Variants in TRAPPC9 observed in about 807,000 individuals in gnomAD.
TRAPPC9 encodes IKK2 binding protein.
A neutral mutation model predicts 124.0 loss-of-function variants in TRAPPC9; 83 were observed. The observed-to-expected ratio is 0.67, with a 90% CI of 0.56 to 0.80. TRAPPC9 has a LOEUF of 0.80. Among genes scored for constraint, TRAPPC9 ranks in the 30% least tolerant of loss-of-function variants. The pLI, the probability that TRAPPC9 is intolerant of heterozygous loss-of-function variation, is 0.00. For synonymous variants in TRAPPC9, 638 were observed against 617.5 expected (o/e 1.03, Z -0.49); for missense variants, 1,302 against 1,508.3 (o/e 0.86, Z 2.27).
chr8:140,105,966 C>G (rs1397033540), intron 17 of TRAPPC9, among the ~76,000 whole-genome samples: 1 of 142,148 alleles, frequency 7.0e-6, no homozygotes, highest in Non-Finnish European at 1.6e-5. Flanking sequence ...CGAGAACGAG[C>G]AATCAAAGGT....
intron 7 of TRAPPC9, among the ~76,000 whole-genome samples, chr8:140,397,142 C>A (rs1298395709): frequency 6.6e-6 from 1 of 152,216 alleles, no homozygotes; most frequent in East Asian, 1.9e-4. Context: ...TATCAATCCA[C>A]AACTAAAGGT....
chr8:139,992,090 A>G (rs564251887), intron 18 of TRAPPC9, among the ~76,000 whole-genome samples: 1 of 152,318 alleles, frequency 6.6e-6, no homozygotes, highest in South Asian at 2.1e-4. Flanking sequence ...TTGTTGAATA[A>G]AAGATTAAGA....
intron 21 of TRAPPC9, among the ~76,000 whole-genome samples, chr8:139,850,273 T>C (rs918977089): frequency 6.6e-6 from 1 of 152,242 alleles, no homozygotes; most frequent in Non-Finnish European, 1.5e-5. Flanking sequence ...TTTATGTGCA[T>C]GACATCAATT....
chr8:139,780,540 C>T (rs1218783107), intron 21 of TRAPPC9, among the ~76,000 whole-genome samples: 1 of 152,026 alleles, frequency 6.6e-6, no homozygotes, highest in Non-Finnish European at 1.5e-5. Context: ...AAATGGATTG[C>T]AGAACTAAAT....
At position 139,831,444 on chromosome 8, in the gene TRAPPC9, T is replaced by G. The variant is rs540280032; in HGVS notation, c.3055+54435A>C. 2.0e-5 allele frequency among the ~76,000 whole-genome samples: 3 copies of G among 152,276 alleles called. No homozygotes were observed. The East Asian group carries it at 5.8e-4, about 29-fold the overall frequency. On this transcript the variant is annotated intron_variant, in intron 21 of 22. Transcript: ENST00000438773. ...CACTCTTCCCACGCACTCACATGCATGCAAGCACGCACACTAACACACACA... is the reference window on the plus strand; with the variant it reads ...CACTCTTCCCACGCACTCACATGCAGGCAAGCACGCACACTAACACACACA...
At chr8:140,218,179 A>G (rs1373866397) in intron 17 of TRAPPC9, among the ~76,000 whole-genome samples, 1 of 152,156 alleles carries the variant, frequency 6.6e-6, no homozygotes, top group African/African-American at 2.4e-5. Flanking sequence ...CTACTCCACC[A>G]GCATTTAGGA....
At chr8:139,805,556 C>T (rs960526520) in intron 21 of TRAPPC9, among the ~76,000 whole-genome samples, 3 of 152,188 alleles carry the variant, frequency 2.0e-5, no homozygotes, top group South Asian at 2.1e-4. Flanking sequence ...GTGCTTGGTG[C>T]GTTCCTCTGG....
At chr8:140,072,250 G>A (rs182222370) in intron 17 of TRAPPC9, among the ~76,000 whole-genome samples, 1 of 152,292 alleles carries the variant, frequency 6.6e-6, no homozygotes, top group Admixed American at 6.5e-5. Context: ...CAAATGAAGA[G>A]GCAGCCGGGC....
At chr8:140,380,654 CAAAA>C (rs563391017) in intron 7 of TRAPPC9, among the ~76,000 whole-genome samples, 4 of 48,604 alleles carry the variant, frequency 8.2e-5, no homozygotes, top group African/African-American at 1.8e-4. Context: ...GACTCTGTCT[CAAAA>C]AAAAAAAAAA....
At chr8:140,079,107 T>C (rs1843669012) in intron 17 of TRAPPC9, among the ~76,000 whole-genome samples, 1 of 152,170 alleles carries the variant, frequency 6.6e-6, no homozygotes, top group South Asian at 2.1e-4. Context: ...TAAAGGACTG[T>C]TCCCCTGCAC....
intron 17 of TRAPPC9, among the ~76,000 whole-genome samples, chr8:140,191,653 G>A (rs1277205113): frequency 6.6e-6 from 1 of 152,154 alleles, no homozygotes; most frequent in Non-Finnish European, 1.5e-5. Flanking sequence ...CATGCTTCCT[G>A]TACAGCCTGT....
intron 17 of TRAPPC9, among the ~76,000 whole-genome samples, chr8:140,121,385 T>C (rs1361428528): frequency 2.0e-5 from 3 of 152,272 alleles, no homozygotes; most frequent in Middle Eastern, 3.4e-3. Flanking sequence ...ATGGAGAACT[T>C]GGTTTATCTA....
chr8:140,379,657 A>G (rs530335039), intron 7 of TRAPPC9, among the ~76,000 whole-genome samples: 3 of 152,226 alleles, frequency 2.0e-5, no homozygotes, highest in Non-Finnish European at 2.9e-5. Context: ...TTTGCATAAA[A>G]AGAAAAAAAT....
At chr8:140,275,953 A>C (rs1439539728) in intron 14 of TRAPPC9, 132 bp from the exon 15 acceptor site, 8 of 732,952 alleles carry the variant, frequency 1.1e-5, no homozygotes, top group Non-Finnish European at 1.8e-5. Flanking sequence ...TCTGGGCTTC[A>C]TATATGGAGT....
At chr8:140,407,025 T>C (rs1380329180) in intron 5 of TRAPPC9, among the ~76,000 whole-genome samples, 1 of 152,202 alleles carries the variant, frequency 6.6e-6, no homozygotes, top group Admixed American at 6.5e-5. Context: ...GTTGTTATAA[T>C]GCCATAGGGG....
At chr8:139,861,738 T>G (rs570389411) in intron 21 of TRAPPC9, among the ~76,000 whole-genome samples, 4 of 152,122 alleles carry the variant, frequency 2.6e-5, no homozygotes, top group Non-Finnish European at 5.9e-5. Context: ...CGAGTGGTTT[T>G]GAACAGACCC....
At chr8:140,416,259 T>C (rs944528172) in intron 5 of TRAPPC9, among the ~76,000 whole-genome samples, 7 of 152,192 alleles carry the variant, frequency 4.6e-5, no homozygotes, top group Admixed American at 2.6e-4. Context: ...TGAACAATTA[T>C]ACACCAATGA....
intron 17 of TRAPPC9, among the ~76,000 whole-genome samples, chr8:140,052,728 G>A (rs929541124): frequency 6.6e-6 from 1 of 151,660 alleles, no homozygotes; most frequent in African/African-American, 2.4e-5. Flanking sequence ...GTTGCAGTGA[G>A]CAAAGATCGC....
chr8:139,840,988 T>G (rs929653701), intron 21 of TRAPPC9, among the ~76,000 whole-genome samples: 1 of 152,172 alleles, frequency 6.6e-6, no homozygotes, highest in Non-Finnish European at 1.5e-5. Context: ...TTGCTGTGGT[T>G]TGAAGCAAGA....
Sources: gnomAD v4.1 joint callset for allele counts (sites outside exome capture counted in the v4.1 genomes callset) on GRCh38, gnomAD v4.1.1 for gene constraint, MANE v1.5 for transcripts, NCBI Gene and HGNC (gene_info 2026-07-23, HGNC 2026-07-21) for gene names.